Variants in METAP1D observed in about 807,000 individuals in gnomAD.
The protein encoded by METAP1D is methionine aminopeptidase 1D, mitochondrial.
METAP1D carries 31 observed loss-of-function variants against 40.5 expected under a neutral mutation model. That is an observed-to-expected ratio of 0.77 (90% CI 0.58 to 1.03). The LOEUF (loss-of-function observed/expected upper bound fraction) is 1.03. METAP1D is among the 50% of genes least tolerant of loss of function. The probability of loss-of-function intolerance (pLI) is 0.00; values close to 1 mark genes in which losing one functional copy is unlikely to be tolerated. For missense variants in METAP1D, 411 were observed against 420.7 expected (o/e 0.98, Z 0.20); for synonymous variants, 151 against 146.4 (o/e 1.03, Z -0.22).
At chr2:172,023,698 G>C (rs1689056173) in intron 1 of METAP1D, among the ~76,000 whole-genome samples, 1 of 152,100 alleles carries the variant, frequency 6.6e-6, no homozygotes, top group Non-Finnish European at 1.5e-5. Context: ...TATTATAGGA[G>C]AGTGAATACT....
At chr2:172,064,024 G>A (rs1025955827) in intron 3 of METAP1D, 164 bp downstream of exon 3, 2 of 825,024 alleles carry the variant, frequency 2.4e-6, no homozygotes, top group Non-Finnish European at 3.3e-6. Context: ...GCCTTGGGAT[G>A]GGGAAAAGGA....
In METAP1D at chr2:172,023,473, G is replaced by T. The variant is rs377397766; in HGVS notation, c.40+23464G>T. ...GGCCACATATTTTTATAAGTACTGG[G>T]TGAGGGCAAAGATTTGCTTGGAAGG... On this transcript the variant is annotated intron_variant, in intron 1 of 9. Coordinates refer to ENST00000315796, the MANE Select transcript of METAP1D (RefSeq NM_199227.3). Among the ~76,000 whole-genome samples the T allele has an allele frequency of 4.3e-4, 66 of 152,296 alleles. 2 individuals carry two copies. Among genetic ancestry groups the T allele is most frequent in the African/African-American group, 1.5e-3 (63 of 41,556 alleles).
chr2:172,017,273 C>T (rs981553289), intron 1 of METAP1D, among the ~76,000 whole-genome samples: 88,496 of 146,264 alleles, frequency 0.61, 27,139 homozygotes, highest in Middle Eastern at 0.68. Flanking sequence ...CACACACACA[C>T]ATTTTATATA....
chr2:172,038,283 A>G (rs911533080), intron 1 of METAP1D, among the ~76,000 whole-genome samples: 14 of 152,138 alleles, frequency 9.2e-5, no homozygotes, highest in African/African-American at 3.4e-4. Flanking sequence ...TATTTGTCTT[A>G]TGAGCTACTG....
chr2:172,002,416 T>C (rs1217485353), intron 1 of METAP1D, among the ~76,000 whole-genome samples: 1 of 152,202 alleles, frequency 6.6e-6, no homozygotes, highest in Non-Finnish European at 1.5e-5. Context: ...AGAAATAGCA[T>C]TAATCTTTTC....
intron 1 of METAP1D, among the ~76,000 whole-genome samples, chr2:172,011,827 A>G (rs1458245574): frequency 6.6e-6 from 1 of 152,224 alleles, no homozygotes. Context: ...TCTTATGAAT[A>G]ATGCTACTAT....
intron 1 of METAP1D, among the ~76,000 whole-genome samples, chr2:172,052,919 TG>T (rs1448899640): frequency 6.6e-6 from 1 of 152,198 alleles, no homozygotes; most frequent in Admixed American, 6.5e-5. Flanking sequence ...GTAGTGCATG[TG>T]GTTTTTTTTC....
chr2:172,049,385 A>G (rs944720921), intron 1 of METAP1D, among the ~76,000 whole-genome samples: 1 of 150,114 alleles, frequency 6.7e-6, no homozygotes, highest in African/African-American at 2.4e-5. Context: ...ATGTTTACTT[A>G]TATACATATA....
At chr2:172,045,304 A>G (rs1443337974) in intron 1 of METAP1D, among the ~76,000 whole-genome samples, 1 of 133,912 alleles carries the variant, frequency 7.5e-6, no homozygotes, top group Non-Finnish European at 1.7e-5. Context: ...AATGCTCATC[A>G]TTGTTTAAAT....
At chr2:172,053,616 G>GT (rs1342424474) in intron 1 of METAP1D, among the ~76,000 whole-genome samples, 1 of 152,094 alleles carries the variant, frequency 6.6e-6, no homozygotes, top group Non-Finnish European at 1.5e-5. Flanking sequence ...TCAATTAGAT[G>GT]TTAACATGCT....
At chr2:172,016,343 C>T (rs1243878023) in intron 1 of METAP1D, among the ~76,000 whole-genome samples, 1 of 116,862 alleles carries the variant, frequency 8.6e-6, no homozygotes, top group East Asian at 2.3e-4. Context: ...ATAGTCCAGG[C>T]GTGGTGACTA....
chr2:172,031,534 A>G lies in METAP1D; in HGVS notation c.41-29964A>G, dbSNP rs146642796. ...GGATATTATATAATAAGATGGAGGA[A>G]GTCATTCACATATGCTTTCTCTCTC... On this transcript the variant is annotated intron_variant, in intron 1 of 9. Transcript: ENST00000315796. Among the ~76,000 whole-genome samples, 47 of 152,362 alleles carry G rather than the reference A, an allele frequency of 3.1e-4. 2 individuals carry two copies. Among genetic ancestry groups the G allele is most frequent in the African/African-American group, 1.1e-3 (47 of 41,596 alleles).
rs1200973275 is a variant in METAP1D at position 172,034,527 on chromosome 2, G to A, written c.41-26971G>A. Among the ~76,000 whole-genome samples the A allele has an allele frequency of 2.6e-5, 4 of 151,990 alleles. No homozygotes were observed. In the East Asian group the frequency reaches 7.7e-4, roughly 29 times the overall value. On this transcript the variant is annotated intron_variant, in intron 1 of 9. Transcript: ENST00000315796. ...GTTGTTGTGCCAAACTTAATAATATGTATGATGTTACTTTGTAAATTGCCA... is the reference window on the plus strand; with the variant it reads ...GTTGTTGTGCCAAACTTAATAATATATATGATGTTACTTTGTAAATTGCCA...
rs1465720781 is a variant in METAP1D, at chr2:172,043,536, C to T, written c.41-17962C>T. 2.2e-5 allele frequency among the ~76,000 whole-genome samples: 3 copies of T among 134,350 alleles called. 1 individual carries two copies. The highest frequency in any genetic ancestry group is 7.6e-5 in the African/African-American group (3 of 39,618). 88.1% of individuals were successfully genotyped at this position (134,350 alleles called of 152,430 possible). Reference sequence around the variant, plus strand: ...AAAAATATGACATTAGACTATTATACTTCAATTTTTAAAACTTAAGTTTTT... The same window carrying T: ...AAAAATATGACATTAGACTATTATATTTCAATTTTTAAAACTTAAGTTTTT... On this transcript the variant is annotated intron_variant, in intron 1 of 9. Transcript: ENST00000315796.
chr2:172,036,509 G>T (rs899806116), intron 1 of METAP1D, among the ~76,000 whole-genome samples: 1 of 150,630 alleles, frequency 6.6e-6, no homozygotes, highest in Non-Finnish European at 1.5e-5. Flanking sequence ...GGGACTACAG[G>T]CGCCTGCCAC....
At chr2:172,059,591 A>G (rs1411081355) in intron 1 of METAP1D, among the ~76,000 whole-genome samples, 1 of 152,196 alleles carries the variant, frequency 6.6e-6, no homozygotes, top group Non-Finnish European at 1.5e-5. Flanking sequence ...TTTGAATTTC[A>G]TGTATTACAA....
intron 1 of METAP1D, among the ~76,000 whole-genome samples, chr2:172,034,405 T>G (rs201085270): frequency 0.057 from 8,098 of 142,678 alleles, 655 homozygotes; most frequent in Middle Eastern, 0.14. Flanking sequence ...GTCTCAGTTT[T>G]TGTGTGTGTG....
intron 1 of METAP1D, among the ~76,000 whole-genome samples, chr2:172,020,345 C>T (rs2105395318): frequency 6.6e-6 from 1 of 152,260 alleles, no homozygotes; most frequent in South Asian, 2.1e-4. Flanking sequence ...AAGGCTTTTC[C>T]TCCCTGCAAT....
chr2:172,079,528 G>A (rs1225502770), intron 8 of METAP1D, among the ~76,000 whole-genome samples: 3 of 152,084 alleles, frequency 2.0e-5, no homozygotes, highest in Non-Finnish European at 4.4e-5. Context: ...GTTTTGTTTT[G>A]TTTTTTCATT....
Sources: gnomAD v4.1 joint callset for allele counts (sites outside exome capture counted in the v4.1 genomes callset) on GRCh38, gnomAD v4.1.1 for gene constraint, MANE v1.5 for transcripts, NCBI Gene and HGNC (gene_info 2026-07-23, HGNC 2026-07-21) for gene names.